COL1A1: variants seen among roughly 807,000 people sequenced by gnomAD.
COL1A1 encodes the protein collagen alpha-1(I) chain.
COL1A1 carries 21 observed loss-of-function variants against 195.7 expected under a neutral mutation model. The ratio of observed to expected loss-of-function variants is 0.11; its 90% CI spans 0.08 to 0.15. COL1A1 has a LOEUF of 0.15. COL1A1 is among the 10% of genes least tolerant of loss of function. The pLI is 1.00. For missense variants in COL1A1, 1,365 were observed against 2,051.0 expected (o/e 0.67, Z 6.46); for synonymous variants, 749 against 747.3 (o/e 1.00, Z -0.04).
In COL1A1 at chr17:50,200,015, G is replaced by A. The variant is rs768214952; in HGVS notation, c.104-68C>T. ...CCCCCAGCTTAACCACCTTTCCCCCGGGTCTAAGAGGCACACTTGGATTTT... is the reference window on the plus strand; with the variant it reads ...CCCCCAGCTTAACCACCTTTCCCCCAGGTCTAAGAGGCACACTTGGATTTT... On this transcript the variant is annotated intron_variant, in intron 1 of 50. Transcript: ENST00000225964. 2.3e-5 allele frequency: 34 copies of A among 1,506,062 alleles called. No homozygotes were observed. In the African/African-American group the frequency reaches 3.7e-4, roughly 16 times the overall value. The allele number at this position is 1,506,062 out of a possible 1,614,324, so 93.3% of individuals were successfully genotyped here.
In COL1A1 at chr17:50,196,689, A is replaced by G. The variant is rs768328923; in HGVS notation, c.805-19T>C. 1.2e-6 allele frequency: 2 copies of G among 1,614,092 alleles called. No individual in the cohort carries two copies. The highest frequency in any genetic ancestry group is 1.7e-6 in the Non-Finnish European group (2 of 1,179,932). ...TGAAACCCTAAAGCAGGAAAGAGGT[A>G]GAAGGTAAGAACCTGTGGAGGGGGT... On this transcript the variant is annotated intron_variant, in intron 11 of 50. Transcript: ENST00000225964.
At chr17:50,193,900 G>T in intron 25 of COL1A1, 43 bp downstream of exon 25, 1 of 1,559,828 alleles carries the variant, frequency 6.4e-7, no homozygotes, top group Non-Finnish European at 8.8e-7. Flanking sequence ...AGTCTCAGGT[G>T]TGTTTGTCCC....
intron 29 of COL1A1, 131 bp downstream of exon 29, chr17:50,192,344 T>C: frequency 1.9e-6 from 2 of 1,066,768 alleles, no homozygotes; most frequent in South Asian, 1.4e-5. Flanking sequence ...GCTCCCTTCA[T>C]GGGAGGAAGT....
At position 50,191,438 on chromosome 17, in the gene COL1A1, T is replaced by C. The variant is rs749032265; in HGVS notation, c.2180A>G (p.Gln727Arg). 4 of 1,613,884 alleles carry C rather than the reference T, an allele frequency of 2.5e-6. No individual in the cohort carries two copies. The highest frequency in any genetic ancestry group is 3.4e-6 in the Non-Finnish European group (4 of 1,179,884). ...TGCACCACGTTCACCAGGCATTCCC[T>C]GAAGGCCAGGGGCGCCCTGGCTACC... is the stretch of plus-strand genomic sequence containing the variant. ...APGSQGAPGL[Q>R]GMPGERGAAG... Residue 727 changes from glutamine (Q) to arginine (R), a missense_variant, in exon 32 of 51, where the codon CAG becomes CGG. Gln to Arg is a conservative substitution (Grantham distance 43). This residue lies in a region of COL1A1 where 671 missense variants were observed against 1,099.9 expected (regional missense o/e 0.61). Coordinates refer to ENST00000225964, the MANE Select transcript of COL1A1 (RefSeq NM_000088.4).
chr17:50,185,691 G>C (rs1220862137), intron 50 of COL1A1, 43 bp from the exon 51 acceptor site: 1 of 1,612,232 alleles, frequency 6.2e-7, no homozygotes, highest in Admixed American at 1.7e-5. Flanking sequence ...TTACCACGTG[G>C]GAGTGATGGA....
rs113648997 is a variant in COL1A1, at chr17:50,186,130, C to T, written c.4006-110G>A. ...AGAGCTGCCCAATGCACCGTTATAT[C>T]GAGAGGAGGCACCACCTGCCCATCG... is the stretch of plus-strand genomic sequence containing the variant. On this transcript the variant is annotated intron_variant, in intron 49 of 50. Coordinates refer to ENST00000225964, the MANE Select transcript of COL1A1 (RefSeq NM_000088.4). This position sits in a 1 kb window ranked among gnomAD's most constrained non-coding sequence, Gnocchi z 5.3. 1,664 of 1,550,796 alleles carry T rather than the reference C, an allele frequency of 1.1e-3. 18 individuals are homozygous for T. The African/African-American group carries it at 0.02, about 18-fold the overall frequency.
intron 50 of COL1A1, 29 bp from the exon 51 acceptor site, chr17:50,185,677 G>A (rs1398389489): frequency 6.2e-7 from 1 of 1,612,734 alleles, no homozygotes; most frequent in Non-Finnish European, 8.5e-7. Context: ...AACGGGAGGG[G>A]GCATTACCAC....
chr17:50,195,937 C>T lies in COL1A1; in HGVS notation c.1042G>A (p.Ala348Thr), dbSNP rs139955975. ...GGGGGTCTCACCTTAGCACCAACAG[C>T]ACCAGGGAAGCCAGGAGGACCAGCG... is the stretch of plus-strand genomic sequence containing the variant. ...GPAGPPGFPGAVGAKGEAGPQ... is the reference protein window; with the variant it reads ...GPAGPPGFPGTVGAKGEAGPQ... The change falls in exon 16 of 51, where the codon GCT (alanine) becomes ACT (threonine). Residue 348 changes from alanine to threonine, a missense_variant. By Grantham distance (58) the Ala-to-Thr change is moderately conservative. Coordinates refer to ENST00000225964, the MANE Select transcript of COL1A1 (RefSeq NM_000088.4). This position sits in a 1 kb window ranked among gnomAD's most constrained non-coding sequence, Gnocchi z 4.3. 4.5e-4 allele frequency: 716 copies of T among 1,588,628 alleles called. No individual in the cohort carries two copies. The highest frequency in any genetic ancestry group is 5.6e-4 in the Non-Finnish European group (655 of 1,167,110).
rs368826593 is a variant in COL1A1, at chr17:50,190,962, G to A, written c.2236-38C>T. ...ATAAGCTTGAGATTTCCAGTGTGGGGCAAGGAGGTGACCTATAGTGTTCTG... is the reference window on the plus strand; with the variant it reads ...ATAAGCTTGAGATTTCCAGTGTGGGACAAGGAGGTGACCTATAGTGTTCTG... On this transcript the variant is annotated intron_variant, in intron 32 of 50. Coordinates refer to ENST00000225964, the MANE Select transcript of COL1A1 (RefSeq NM_000088.4). The surrounding 1 kb of genome is among the most constrained non-coding windows in gnomAD (Gnocchi z 4.7). 1 of 1,585,406 alleles carries A rather than the reference G, an allele frequency of 6.3e-7. No individual in the cohort carries two copies. The highest frequency in any genetic ancestry group is 1.3e-5 in the African/African-American group (1 of 74,484).
Position 50,189,794 on chromosome 17 carries a change from C to A in COL1A1, c.2614-62G>T. On this transcript the variant is annotated intron_variant, in intron 37 of 50. Transcript: ENST00000225964. This position sits in a 1 kb window ranked among gnomAD's most constrained non-coding sequence, Gnocchi z 5.5. ...ACAGCCAACTCATCCGACCCAGCTG[C>A]CCTCACCTGCCACCGCTGCCTGGGG... The A allele has an allele frequency of 6.2e-7, 1 of 1,611,662 alleles. No homozygotes were observed. The highest frequency in any genetic ancestry group is 1.1e-5 in the South Asian group (1 of 90,894).
Position 50,191,450 on chromosome 17 carries a change from G to A in COL1A1, c.2168C>T (p.Ala723Val), listed in dbSNP as rs561374961. 2.0e-4 allele frequency: 319 copies of A among 1,614,008 alleles called. 4 individuals are homozygous for A. The South Asian group carries it at 3.3e-3, about 17-fold the overall frequency. The change falls in exon 32 of 51, where the codon GCC (alanine) becomes GTC (valine). Residue 723 changes from alanine (A) to valine (V), a missense_variant. Coordinates refer to ENST00000225964, the MANE Select transcript of COL1A1 (RefSeq NM_000088.4). ...ACCAGGCATTCCCTGAAGGCCAGGG[G>A]CGCCCTGGCTACCGGGAGCTCCAGG... ...GAPGAPGSQG[A>V]PGLQGMPGER...
At position 50,186,378 on chromosome 17, in the gene COL1A1, C is replaced by T; in HGVS notation, c.3944G>A (p.Ser1315Asn). 1 of 1,614,228 alleles carries T rather than the reference C, an allele frequency of 6.2e-7. No individual in the cohort carries two copies. The change falls in exon 49 of 51, where the codon AGC becomes AAC. Residue 1315 changes from serine to asparagine, a missense_variant. Coordinates refer to ENST00000225964, the MANE Select transcript of COL1A1 (RefSeq NM_000088.4). This position sits in a 1 kb window ranked among gnomAD's most constrained non-coding sequence, Gnocchi z 5.3. ...ATGCCTCTTGTCCTTGGGGTTCTTG[C>T]TGATGTACCAGTTCTTCTGGGCCAC... ...PSVAQKNWYI[S>N]KNPKDKRHVW...
chr17:50,189,518 G>A lies in COL1A1; in HGVS notation c.2688C>T (p.Gly896=). ...CTTCTTTGCCAGCAGGACCAGGAGG[G>A]CCAGGGGGTCCAGCATTTCCCTGGA... is the stretch of plus-strand genomic sequence containing the variant. ...PGPSGNAGPP[G]PPGPAGKEGG... The change falls in exon 39 of 51, where the codon GGC becomes GGT. Residue 896 remains glycine (G), a synonymous_variant. Transcript: ENST00000225964. The surrounding 1 kb of genome is among the most constrained non-coding windows in gnomAD (Gnocchi z 5.5). The A allele has an allele frequency of 6.2e-7, 1 of 1,613,656 alleles. No individual in the cohort carries two copies. Among genetic ancestry groups the A allele is most frequent in the Non-Finnish European group, 8.5e-7 (1 of 1,179,874 alleles).
At chr17:50,198,679 A>G (rs1907811020) in intron 5 of COL1A1, 175 bp from the exon 6 acceptor site, 1 of 646,356 alleles carries the variant, frequency 1.5e-6, no homozygotes, top group East Asian at 2.8e-5. Context: ...TAATGAGACA[A>G]TCCCAAATTG....
In COL1A1 at chr17:50,191,960, A is replaced by G. The variant is rs999396749; in HGVS notation, c.2028+20T>C. On this transcript the variant is annotated intron_variant, in intron 30 of 50. Coordinates refer to ENST00000225964, the MANE Select transcript of COL1A1 (RefSeq NM_000088.4). Reference sequence around the variant, plus strand: ...AAGTACGACGCACCTTGACGGATGCAGCGAGAGAGGCCTACTTACTCTTGC... The same window carrying G: ...AAGTACGACGCACCTTGACGGATGCGGCGAGAGAGGCCTACTTACTCTTGC... The G allele has an allele frequency of 1.2e-6, 2 of 1,611,818 alleles. No homozygotes were observed. The highest frequency in any genetic ancestry group is 1.6e-4 in the Middle Eastern group (1 of 6,078).
Position 50,186,786 on chromosome 17 carries a change from A to G in COL1A1, c.3668T>C (p.Val1223Ala), listed in dbSNP as rs1409382717. 1 of 1,614,028 alleles carries G rather than the reference A, an allele frequency of 6.2e-7. No individual in the cohort carries two copies. The highest frequency in any genetic ancestry group is 1.7e-5 in the Admixed American group (1 of 60,004). ...CACCTCGAGGTCACGGTCACGAACCACATTGGCATCATCAGCCCGGTAGTA... is the reference window on the plus strand; with the variant it reads ...CACCTCGAGGTCACGGTCACGAACCGCATTGGCATCATCAGCCCGGTAGTA... ...GRYYRADDAN[V>A]VRDRDLEVDT... Residue 1223 changes from valine to alanine, a missense_variant, in exon 48 of 51, where the codon GTG becomes GCG. By Grantham distance (64) the Val-to-Ala change is moderately conservative. Coordinates refer to ENST00000225964, the MANE Select transcript of COL1A1 (RefSeq NM_000088.4). The surrounding 1 kb of genome is among the most constrained non-coding windows in gnomAD (Gnocchi z 5.3).
chr17:50,188,924 G>A lies in COL1A1; in HGVS notation c.3024C>T (p.Pro1008=). Residue 1008 remains proline (P), a synonymous_variant, in exon 41 of 51, where the codon CCC becomes CCT. Coordinates refer to ENST00000225964, the MANE Select transcript of COL1A1 (RefSeq NM_000088.4). This position sits in a 1 kb window ranked among gnomAD's most constrained non-coding sequence, Gnocchi z 5.6. ...GPMGPPGLAG[P]PGESGREGAP... ...TCACCTCACGTCCAGATTCACCAGG[G>A]GGTCCAGCCAATCCAGGGGGGCCCA... 6.2e-7 allele frequency: 1 copy of A among 1,611,104 alleles called. No individual in the cohort carries two copies. Among genetic ancestry groups the A allele is most frequent in the Non-Finnish European group, 8.5e-7 (1 of 1,177,446 alleles).
At chr17:50,199,513 G>A in intron 3 of COL1A1, 43 bp downstream of exon 3, 1 of 1,614,204 alleles carries the variant, frequency 6.2e-7, no homozygotes, top group Non-Finnish European at 8.5e-7. Flanking sequence ...ACTGTGAGGA[G>A]TCACGGGCCG....
chr17:50,196,305 A>T lies in COL1A1; in HGVS notation c.957+9T>A, dbSNP rs1598298247. On this transcript the variant is annotated intron_variant, in intron 14 of 50. Transcript: ENST00000225964. Reference sequence around the variant, plus strand: ...CTCAGGGATCCCCCAAGGGGCCAGGAGTACTTACAGCAGGGCCAGGGGCTC... The same window carrying T: ...CTCAGGGATCCCCCAAGGGGCCAGGTGTACTTACAGCAGGGCCAGGGGCTC... 6.2e-7 allele frequency: 1 copy of T among 1,607,908 alleles called. No individual in the cohort carries two copies. The highest frequency in any genetic ancestry group is 2.2e-5 in the East Asian group (1 of 44,640).
Sources: allele counts gnomAD v4.1 joint callset, GRCh38; gene constraint gnomAD v4.1.1; regional missense constraint gnomAD v4.1.1; non-coding constraint Gnocchi (gnomAD v3.1); transcripts MANE v1.5; gene names NCBI Gene and HGNC (gene_info 2026-07-23, HGNC 2026-07-21).